The following DPP10 variants were observed in gnomAD, a reference collection of about 807,000 sequenced individuals.
The protein encoded by DPP10 is dipeptidyl peptidase like 10, also known as inactive dipeptidyl peptidase 10.
In DPP10, 33 loss-of-function variants were observed where a neutral mutation model predicts 120.9. The ratio of observed to expected loss-of-function variants is 0.27; its 90% CI spans 0.21 to 0.37. The LOEUF (loss-of-function observed/expected upper bound fraction) is 0.37. Ranked by LOEUF, DPP10 falls within the 10% of genes least tolerant of loss-of-function variation. The pLI, the probability that DPP10 is intolerant of heterozygous loss-of-function variation, is 1.00. For missense variants in DPP10, 816 were observed against 942.8 expected (o/e 0.87, Z 1.76); for synonymous variants, 337 against 326.1 (o/e 1.03, Z -0.36).
At chr2:115,454,993 A>T (rs1373361632) in intron 3 of DPP10, among the ~76,000 whole-genome samples, 3 of 151,202 alleles carry the variant, frequency 2.0e-5, no homozygotes, top group African/African-American at 7.3e-5. Context: ...CAAAAAAATT[A>T]AGAATATAAT....
intron 1 of DPP10, among the ~76,000 whole-genome samples, chr2:114,611,450 A>G (rs926800937): frequency 1.3e-5 from 2 of 152,208 alleles, no homozygotes; most frequent in African/African-American, 4.8e-5. Context: ...CCCACAGTTC[A>G]GACAAAACTT....
At chr2:114,575,479 A>T (rs1406084299) in intron 1 of DPP10, among the ~76,000 whole-genome samples, 1 of 152,230 alleles carries the variant, frequency 6.6e-6, no homozygotes, top group Non-Finnish European at 1.5e-5. Context: ...AGAGGATGAC[A>T]AAAATTAGAA....
At chr2:114,462,760 C>T (rs547547060) in intron 1 of DPP10, among the ~76,000 whole-genome samples, 1 of 152,284 alleles carries the variant, frequency 6.6e-6, no homozygotes, top group South Asian at 2.1e-4. Flanking sequence ...CCTACCCTTA[C>T]GTGGTGGGGA....
chr2:114,952,001 T>A (rs1260019063), intron 1 of DPP10, among the ~76,000 whole-genome samples: 1 of 151,934 alleles, frequency 6.6e-6, no homozygotes, highest in African/African-American at 2.4e-5. Context: ...ACAATAATTA[T>A]TACATAAGTA....
chr2:115,605,583 G>C (rs191169187), intron 5 of DPP10, among the ~76,000 whole-genome samples: 2 of 151,988 alleles, frequency 1.3e-5, no homozygotes, highest in African/African-American at 2.4e-5. Flanking sequence ...ACAGATAAGA[G>C]GGGTGGAAAG....
intron 1 of DPP10, among the ~76,000 whole-genome samples, chr2:114,580,489 G>T (rs1281449644): frequency 6.6e-6 from 1 of 152,194 alleles, no homozygotes; most frequent in African/African-American, 2.4e-5. Flanking sequence ...GAGAGACACA[G>T]CACACTGGCT....
chr2:115,756,744 C>T (rs914279377), intron 11 of DPP10, among the ~76,000 whole-genome samples: 2 of 152,102 alleles, frequency 1.3e-5, no homozygotes, highest in Admixed American at 6.6e-5. Flanking sequence ...CAACCTACCA[C>T]AGGCTGGGTA....
intron 1 of DPP10, among the ~76,000 whole-genome samples, chr2:115,157,981 A>G (rs1246527702): frequency 6.6e-6 from 1 of 152,190 alleles, no homozygotes; most frequent in African/African-American, 2.4e-5. Context: ...CTTGTGGAGT[A>G]CTGTTTGCCT....
intron 1 of DPP10, among the ~76,000 whole-genome samples, chr2:115,212,365 T>C (rs534080020): frequency 6.6e-6 from 1 of 152,194 alleles, no homozygotes; most frequent in East Asian, 1.9e-4. Context: ...AGTGTTTCTC[T>C]TTGCCAAAGG....
chr2:114,613,367 C>A (rs780510453), intron 1 of DPP10, among the ~76,000 whole-genome samples: 65 of 152,266 alleles, frequency 4.3e-4, no homozygotes, highest in Non-Finnish European at 8.5e-4. Context: ...TTTCCGTGAA[C>A]TGCCAGGACA....
At chr2:114,847,830 A>T (rs1688662513) in intron 1 of DPP10, among the ~76,000 whole-genome samples, 1 of 152,208 alleles carries the variant, frequency 6.6e-6, no homozygotes, top group African/African-American at 2.4e-5. Flanking sequence ...CAGTGCTAAA[A>T]ATGGGGGAAA....
intron 1 of DPP10, among the ~76,000 whole-genome samples, chr2:114,768,125 C>T (rs1354908193): frequency 2.6e-5 from 3 of 117,254 alleles, no homozygotes; most frequent in African/African-American, 1.0e-4. Context: ...AAGGCTCTGT[C>T]TCAAAAAAAA....
intron 5 of DPP10, among the ~76,000 whole-genome samples, chr2:115,628,503 C>A (rs1454813312): frequency 6.6e-6 from 1 of 152,126 alleles, no homozygotes; most frequent in South Asian, 2.1e-4. Context: ...TTTTGCTGTG[C>A]AGAAGCTCTT....
At chr2:115,557,610 T>C (rs1575171196) in intron 5 of DPP10, among the ~76,000 whole-genome samples, 1 of 152,226 alleles carries the variant, frequency 6.6e-6, no homozygotes, top group East Asian at 1.9e-4. Flanking sequence ...ACTTTTGAGC[T>C]GACTTTAAGA....
chr2:114,931,075 G>T (rs1219926503), intron 1 of DPP10, among the ~76,000 whole-genome samples: 1 of 152,072 alleles, frequency 6.6e-6, no homozygotes, highest in South Asian at 2.1e-4. Context: ...ACTTTCTCTT[G>T]CCTTATTGTG....
chr2:115,208,655 G>C (rs948703476), intron 1 of DPP10, among the ~76,000 whole-genome samples: 1 of 152,076 alleles, frequency 6.6e-6, no homozygotes, highest in Non-Finnish European at 1.5e-5. Flanking sequence ...TGTAGCAGGT[G>C]TTGGGTGAAT....
At chr2:115,561,747 C>CT (rs1311437253) in intron 5 of DPP10, among the ~76,000 whole-genome samples, 1 of 152,036 alleles carries the variant, frequency 6.6e-6, no homozygotes, top group Non-Finnish European at 1.5e-5. Context: ...TCTTCTTAAT[C>CT]TTTTTAAGTT....
intron 1 of DPP10, among the ~76,000 whole-genome samples, chr2:115,309,025 C>T (rs2061477468): frequency 6.6e-6 from 1 of 152,018 alleles, no homozygotes; most frequent in Non-Finnish European, 1.5e-5. Context: ...GCATAAAACG[C>T]TGCTGGTTTA....
intron 1 of DPP10, among the ~76,000 whole-genome samples, chr2:115,301,211 T>C (rs934890145): frequency 2.0e-5 from 3 of 152,018 alleles, no homozygotes. Flanking sequence ...GTACTACTCT[T>C]GCCTTAACAA....
Sources: gnomAD v4.1 joint callset for allele counts (sites outside exome capture counted in the v4.1 genomes callset) on GRCh38, gnomAD v4.1.1 for gene constraint, MANE v1.5 for transcripts, NCBI Gene and HGNC (gene_info 2026-07-23, HGNC 2026-07-21) for gene names.